TRPM1: variants seen among roughly 807,000 people sequenced by gnomAD.
TRPM1 encodes TRPM1-203 APA Isoform, Intron 10.
TRPM1 carries 113 observed loss-of-function variants against 149.4 expected under a neutral mutation model. The ratio of observed to expected loss-of-function variants is 0.76; its 90% CI spans 0.65 to 0.88. The LOEUF (loss-of-function observed/expected upper bound fraction) is 0.88. TRPM1 is among the 40% of genes least tolerant of loss of function. The pLI is 0.00. For missense variants in TRPM1, 1,976 were observed against 2,038.7 expected (o/e 0.97, Z 0.59); for synonymous variants, 741 against 759.5 (o/e 0.98, Z 0.40).
upstream of TRPM1, among the ~76,000 whole-genome samples, chr15:31,103,012 G>T (rs73375912): frequency 1.2e-3 from 190 of 152,342 alleles, no homozygotes; most frequent in African/African-American, 4.3e-3. Context: ...CACAGTCAGG[G>T]CAATCCGGGG....
chr15:31,066,709 A>C (rs1356165171), intron 6 of TRPM1, among the ~76,000 whole-genome samples: 1 of 152,214 alleles, frequency 6.6e-6, no homozygotes, highest in Non-Finnish European at 1.5e-5. Context: ...CAAAGGTTAC[A>C]TTACTGTATG....
At chr15:31,158,895 C>T (rs2036411192) in intron 1 of TRPM1, among the ~76,000 whole-genome samples, 1 of 152,240 alleles carries the variant, frequency 6.6e-6, no homozygotes, top group African/African-American at 2.4e-5. Flanking sequence ...TATCTGGACA[C>T]TCCCAAGTCT....
In TRPM1 at chr15:31,040,383, G is replaced by T; in HGVS notation, c.2088-37C>A. ...GAGAAGGGACCAGGGTGAAGCCACA[G>T]TGGCCGCAAGCTGTTTCTTAGACAG... On this transcript the variant is annotated intron_variant, in intron 17 of 27. Transcript: ENST00000256552. This position sits in a 1 kb window ranked among gnomAD's most constrained non-coding sequence, Gnocchi z 4.2. 6.3e-7 allele frequency: 1 copy of T among 1,576,976 alleles called. No homozygotes were observed.
At chr15:31,100,326 C>T (rs2035486395) in intron 1 of TRPM1, among the ~76,000 whole-genome samples, 2 of 152,128 alleles carry the variant, frequency 1.3e-5, no homozygotes, top group Admixed American at 1.3e-4. Flanking sequence ...CTGCCTGCCT[C>T]AGCCTCCCGA....
upstream of TRPM1, among the ~76,000 whole-genome samples, chr15:31,104,113 C>T (rs941325417): frequency 2.6e-5 from 4 of 152,122 alleles, no homozygotes; most frequent in Admixed American, 6.5e-5. Context: ...AGAACACCAC[C>T]GTGAAGGGTG....
rs768688939 is a variant in TRPM1, at chr15:31,066,069, C to A, written c.790+7G>T. The A allele has an allele frequency of 1.2e-6, 2 of 1,613,512 alleles. No individual in the cohort carries two copies. Among genetic ancestry groups the A allele is most frequent in the African/African-American group, 2.7e-5 (2 of 75,058 alleles). On this transcript the variant is annotated splice_region_variant and intron_variant, in intron 7 of 27. Transcript: ENST00000256552. ...CAGGAGGACTGCGTGCCTTTGCCAGCACTTACTTGTGTTGATCTTCTGCAG... is the reference window on the plus strand; with the variant it reads ...CAGGAGGACTGCGTGCCTTTGCCAGAACTTACTTGTGTTGATCTTCTGCAG...
At chr15:31,153,584 A>C (rs905570223) in intron 1 of TRPM1, among the ~76,000 whole-genome samples, 3 of 152,172 alleles carry the variant, frequency 2.0e-5, no homozygotes, top group African/African-American at 7.2e-5. Flanking sequence ...TCAGCCTCCC[A>C]AAGTTCTGGG....
chr15:31,024,944 AGGT>A (rs2032671175), intron 27 of TRPM1, among the ~76,000 whole-genome samples: 1 of 152,180 alleles, frequency 6.6e-6, no homozygotes, highest in South Asian at 2.1e-4. Context: ...TTGGGTCACA[AGGT>A]GACTGGGTCT....
At chr15:31,017,944 G>A (rs1053030400) in intron 27 of TRPM1, among the ~76,000 whole-genome samples, 2 of 152,220 alleles carry the variant, frequency 1.3e-5, no homozygotes, top group Non-Finnish European at 2.9e-5. Context: ...CTTGTGGTAA[G>A]AGTCCCTGTG....
chr15:31,066,103 G>A lies in TRPM1; in HGVS notation c.763C>T (p.His255Tyr), dbSNP rs2034367840. 1.2e-6 allele frequency: 2 copies of A among 1,613,980 alleles called. No homozygotes were observed. Among genetic ancestry groups the A allele is most frequent in the Admixed American group, 1.7e-5 (1 of 60,006 alleles). Residue 255 changes from histidine (H) to tyrosine (Y), a missense_variant, in exon 7 of 28, where the codon CAC becomes TAC. His to Tyr is a moderately conservative substitution (Grantham distance 83). This residue lies in a region of TRPM1 where 1,332 missense variants were observed against 1,347.1 expected (regional missense o/e 0.99). Coordinates refer to ENST00000256552, the MANE Select transcript of TRPM1 (RefSeq NM_001252024.2). ...EVKLRRLLEKHISLQKINTRL... is the reference protein window; with the variant it reads ...EVKLRRLLEKYISLQKINTRL... ...GTGTTGATCTTCTGCAGGGAGATGT[G>A]CTTTTCCAGCAGCCTTCGCAGCTTC...
At chr15:31,115,380 C>T (rs777462490) in intron 1 of TRPM1, among the ~76,000 whole-genome samples, 14 of 152,032 alleles carry the variant, frequency 9.2e-5, no homozygotes, top group Non-Finnish European at 1.9e-4. Context: ...TCTCACAGCA[C>T]GAAAAAGCTG....
intron 27 of TRPM1, among the ~76,000 whole-genome samples, chr15:31,007,652 G>GCAACAACAA (rs55739225): frequency 5.0e-5 from 7 of 139,852 alleles, no homozygotes; most frequent in East Asian, 4.0e-4. Flanking sequence ...CAGCAGCGCA[G>GCAACAACAA]CAACAACAAC....
At chr15:31,073,899 A>AT (rs1174313091) in intron 3 of TRPM1, among the ~76,000 whole-genome samples, 2 of 151,920 alleles carry the variant, frequency 1.3e-5, no homozygotes, top group Non-Finnish European at 2.9e-5. Flanking sequence ...TTTCCGAGTG[A>AT]TTTTTTATAA....
In TRPM1 at chr15:31,072,000, TATATATATATATATATATAGAGAG is replaced by T. The variant is rs1378192431; in HGVS notation, c.84-1798_84-1775del. ...AAAAACATATATATATATATATATA[TATATATATATATATATATAGAGAG>T]AGAGAGAGAGAGAGAGAGAGAGAGA... On this transcript the variant is annotated intron_variant, in intron 3 of 27. Coordinates refer to ENST00000256552, the MANE Select transcript of TRPM1 (RefSeq NM_001252024.2). Among the ~76,000 whole-genome samples the T allele has an allele frequency of 5.1e-3, 324 of 64,048 alleles. 1 individual carries two copies. The highest frequency in any genetic ancestry group is 0.012 in the African/African-American group (203 of 17,508). 42.0% of individuals were successfully genotyped at this position (64,048 alleles called of 152,430 possible).
At chr15:31,079,510 G>A (rs1031294117) in intron 2 of TRPM1, among the ~76,000 whole-genome samples, 1 of 152,252 alleles carries the variant, frequency 6.6e-6, no homozygotes, top group African/African-American at 2.4e-5. Flanking sequence ...CACCCTCTGA[G>A]TGCGCAAGCA....
At chr15:31,064,921 C>T (rs2034327455) in intron 7 of TRPM1, 3 of 433,016 alleles carry the variant, frequency 6.9e-6, no homozygotes, top group Admixed American at 5.2e-5. Context: ...GATTTCCAAC[C>T]CAAGCAAGGA....
At chr15:31,021,136 A>G (rs766318072) in intron 27 of TRPM1, among the ~76,000 whole-genome samples, 1 of 152,240 alleles carries the variant, frequency 6.6e-6, no homozygotes, top group East Asian at 1.9e-4. Context: ...AACCCTATGA[A>G]TTTAGAAGAT....
intron 15 of TRPM1, among the ~76,000 whole-genome samples, chr15:31,046,440 C>T (rs1324495239): frequency 2.6e-5 from 4 of 152,154 alleles, no homozygotes; most frequent in Admixed American, 2.6e-4. Context: ...GAAGAAAGCT[C>T]AGCAGACGCG....
rs200626726 is a variant in TRPM1, at chr15:31,001,919, T to C, written c.4781A>G (p.His1594Arg). The change falls in exon 28 of 28, where the codon CAT (histidine) becomes CGT (arginine). Residue 1594 changes from histidine (H) to arginine (R), a missense_variant. Physicochemically the swap from His to Arg is conservative, Grantham distance 29. Coordinates refer to ENST00000256552, the MANE Select transcript of TRPM1 (RefSeq NM_001252024.2). ...TACTAAGCTGCTTACACTACTGGCA[T>C]GTCCAGATCTGTCTAACTTTCCCTG... ...SIQGKLDRSGHASSVSSLVIV... is the reference protein window; with the variant it reads ...SIQGKLDRSGRASSVSSLVIV... 267 of 1,614,092 alleles carry C rather than the reference T, an allele frequency of 1.7e-4. 1 individual carries two copies. The highest frequency in any genetic ancestry group is 2.1e-4 in the Non-Finnish European group (250 of 1,180,038).
Sources: gnomAD v4.1 joint callset for allele counts (sites outside exome capture counted in the v4.1 genomes callset) on GRCh38, gnomAD v4.1.1 for gene constraint, gnomAD v4.1.1 regional missense constraint, Gnocchi (gnomAD v3.1) non-coding constraint, MANE v1.5 for transcripts, NCBI Gene and HGNC (gene_info 2026-07-23, HGNC 2026-07-21) for gene names.